CSMD2: variants seen among roughly 807,000 people sequenced by gnomAD.
CSMD2 encodes CUB and sushi domain-containing protein 2.
Under a neutral mutation model 398.5 loss-of-function variants are expected in CSMD2, and 130 were observed. The observed-to-expected ratio is 0.33, with a 90% CI of 0.28 to 0.38. The LOEUF is 0.38. Among genes scored for constraint, CSMD2 ranks in the 10% least tolerant of loss-of-function variants. The pLI is 1.00. For synonymous variants in CSMD2, 1,828 were observed against 1,908.5 expected (o/e 0.96, Z 1.10); for missense variants, 3,829 against 4,764.9 (o/e 0.80, Z 5.78).
intron 56 of CSMD2, 54 bp from the exon 57 acceptor site, chr1:33,546,273 G>A (rs1426881211): frequency 1.3e-6 from 2 of 1,536,150 alleles, no homozygotes; most frequent in Non-Finnish European, 1.8e-6. Flanking sequence ...AAAAGGGAGT[G>A]GAGAAGCAGG....
rs1323170235 is a variant in CSMD2 at position 33,707,693 on chromosome 1, GCGCACACA to G, written c.3576+1388_3576+1395del. On this transcript the variant is annotated intron_variant, in intron 22 of 70. Transcript: ENST00000373381. The stretch of plus-strand genomic sequence containing the variant: ...CACGCACGCGTGCACACGCGCGCGC[GCGCACACA>G]CACACACACACACACACACACACAC... Among the ~76,000 whole-genome samples the G allele has an allele frequency of 6.9e-3, 324 of 46,948 alleles. 5 individuals carry two copies. The highest frequency in any genetic ancestry group is 0.018 in the African/African-American group (297 of 16,472). 30.8% of individuals were successfully genotyped at this position (46,948 alleles called of 152,430 possible).
chr1:34,105,567 T>C (rs964616720), intron 1 of CSMD2, among the ~76,000 whole-genome samples: 6 of 152,212 alleles, frequency 3.9e-5, no homozygotes, highest in Non-Finnish European at 5.9e-5. Flanking sequence ...TCCTCCATCT[T>C]TGTCGTGCCA....
chr1:33,587,260 T>A, intron 44 of CSMD2, 92 bp from the exon 45 acceptor site: 1 of 965,760 alleles, frequency 1.0e-6, no homozygotes, highest in Non-Finnish European at 1.6e-6. Flanking sequence ...TTCTCATCCC[T>A]CATTTATTCA....
In CSMD2 at chr1:33,967,061, T is replaced by G. The variant is rs1278742033; in HGVS notation, c.518-31107A>C. Among the ~76,000 whole-genome samples the G allele has an allele frequency of 2.0e-5, 3 of 152,196 alleles. No individual in the cohort carries two copies. In the East Asian group the frequency reaches 5.8e-4, roughly 29 times the overall value. ...GGTATTATTATTCATCACGATTCTA[T>G]TTAGTCTTAGAAGCTTTAGTTAAAC... On this transcript the variant is annotated intron_variant, in intron 3 of 70. Coordinates refer to ENST00000373381, the MANE Select transcript of CSMD2 (RefSeq NM_001281956.2).
In CSMD2 at chr1:33,897,426, T is replaced by C. The variant is rs1642463088; in HGVS notation, c.920+20668A>G. Among the ~76,000 whole-genome samples, 4 of 152,218 alleles carry C rather than the reference T, an allele frequency of 2.6e-5. No homozygotes were observed. The South Asian group carries it at 8.3e-4, about 32-fold the overall frequency. ...AATCTGGCAACTGGACAAAACACTT[T>C]CTGTTGAACTTTCTGGAAGCCAGAT... is the stretch of plus-strand genomic sequence containing the variant. On this transcript the variant is annotated intron_variant, in intron 5 of 70. Transcript: ENST00000373381.
chr1:34,083,753 C>T (rs1026725070), intron 2 of CSMD2, among the ~76,000 whole-genome samples: 1 of 152,032 alleles, frequency 6.6e-6, no homozygotes, highest in Non-Finnish European at 1.5e-5. Flanking sequence ...CCTGTCTCTA[C>T]AGAAAGAGTG....
intron 64 of CSMD2, among the ~76,000 whole-genome samples, chr1:33,527,993 G>T (rs926197379): frequency 6.7e-6 from 1 of 149,316 alleles, no homozygotes; most frequent in African/African-American, 2.5e-5. Context: ...TTTTCTTCCA[G>T]ATGCCTCGCA....
At chr1:34,082,374 TG>T (rs1189827394) in intron 2 of CSMD2, among the ~76,000 whole-genome samples, 12 of 148,948 alleles carry the variant, frequency 8.1e-5, no homozygotes, top group Non-Finnish European at 1.8e-4. Context: ...GTCTGGGAGG[TG>T]GGGGGCGACC....
rs539206890 is a variant in CSMD2, at chr1:33,716,964, C to T, written c.3002-463G>A. Among the ~76,000 whole-genome samples the T allele has an allele frequency of 3.3e-5, 5 of 152,216 alleles. No individual in the cohort carries two copies. The South Asian group carries it at 8.3e-4, about 25-fold the overall frequency. The stretch of plus-strand genomic sequence containing the variant: ...GCTGGAATGAATGTAGACAGCATGC[C>T]ATGGGGGCCGGAACAGAAAGCAGTT... On this transcript the variant is annotated intron_variant, in intron 19 of 70. Transcript: ENST00000373381.
chr1:33,722,342 T>C (rs2149196259), intron 19 of CSMD2, among the ~76,000 whole-genome samples: 1 of 152,318 alleles, frequency 6.6e-6, no homozygotes. Context: ...CAATATATTT[T>C]CGAGACTTTT....
chr1:33,770,349 C>A (rs1463297989), intron 13 of CSMD2, among the ~76,000 whole-genome samples: 1 of 152,220 alleles, frequency 6.6e-6, no homozygotes, highest in Non-Finnish European at 1.5e-5. Flanking sequence ...TGTACCAGGC[C>A]TTTCTTATCA....
chr1:33,644,410 G>A (rs1571062817), intron 29 of CSMD2, among the ~76,000 whole-genome samples: 1 of 152,110 alleles, frequency 6.6e-6, no homozygotes, highest in African/African-American at 2.4e-5. Flanking sequence ...TGAGGCTGAC[G>A]GGGTGACATT....
At chr1:33,544,334 G>C (rs929601136) in intron 57 of CSMD2, among the ~76,000 whole-genome samples, 2 of 150,522 alleles carry the variant, frequency 1.3e-5, no homozygotes, top group Admixed American at 1.3e-4. Flanking sequence ...AGCCAGGATG[G>C]TCTCGACCTC....
intron 12 of CSMD2, among the ~76,000 whole-genome samples, chr1:33,778,486 C>T (rs1216809865): frequency 6.6e-6 from 1 of 152,064 alleles, no homozygotes; most frequent in Non-Finnish European, 1.5e-5. Context: ...AGATGATTCA[C>T]CACCCAGCCC....
At chr1:34,081,021 T>C (rs1010869225) in intron 2 of CSMD2, among the ~76,000 whole-genome samples, 3 of 151,292 alleles carry the variant, frequency 2.0e-5, no homozygotes, top group Non-Finnish European at 3.0e-5. Context: ...CCAGACACCA[T>C]GGAGAAAGAA....
At chr1:33,712,003 A>T (rs1459732291) in intron 21 of CSMD2, among the ~76,000 whole-genome samples, 1 of 152,172 alleles carries the variant, frequency 6.6e-6, no homozygotes, top group Non-Finnish European at 1.5e-5. Context: ...ATGAACTTAG[A>T]AGCCAAACAC....
Position 33,726,616 on chromosome 1 carries a change from T to A in CSMD2, c.2438A>T (p.Lys813Met), listed in dbSNP as rs915440553. Residue 813 changes from lysine to methionine, a missense_variant, in exon 16 of 71, where the codon AAG (lysine) becomes ATG (methionine). Physicochemically the swap from Lys to Met is moderately conservative, Grantham distance 95. Transcript: ENST00000373381. ...CACCCAGGCACAGCTCAAGGCATCCTTGTAGAAGCCAGGCCAGCCCGGAGA... is the reference window on the plus strand; with the variant it reads ...CACCCAGGCACAGCTCAAGGCATCCATGTAGAAGCCAGGCCAGCCCGGAGA... Reference protein sequence around the residue: ...ILSPGWPGFYKDALSCAWVIE... With the variant: ...ILSPGWPGFYMDALSCAWVIE... 8 of 1,613,792 alleles carry A rather than the reference T, an allele frequency of 5.0e-6. No homozygotes were observed. The Admixed American group carries it at 1.3e-4, about 27-fold the overall frequency.
intron 3 of CSMD2, among the ~76,000 whole-genome samples, chr1:33,967,726 G>C (rs150179397): frequency 6.6e-6 from 1 of 152,170 alleles, no homozygotes; most frequent in East Asian, 1.9e-4. Context: ...GGCCTCACTC[G>C]GGGCAATGGG....
chr1:34,084,309 T>C (rs1657607070), intron 2 of CSMD2, among the ~76,000 whole-genome samples: 1 of 152,108 alleles, frequency 6.6e-6, no homozygotes, highest in Non-Finnish European at 1.5e-5. Context: ...CTTCCATACT[T>C]CCTCTCAGAG....
Sources: gnomAD v4.1 joint callset for allele counts (sites outside exome capture counted in the v4.1 genomes callset) on GRCh38, gnomAD v4.1.1 for gene constraint, MANE v1.5 for transcripts, NCBI Gene and HGNC (gene_info 2026-07-23, HGNC 2026-07-21) for gene names.